Variants in PRODH2 observed in about 807,000 individuals in gnomAD.
PRODH2 encodes hydroxyproline dehydrogenase.
In PRODH2, 49 loss-of-function variants were observed where a neutral mutation model predicts 51.9. The observed-to-expected ratio is 0.94, with a 90% CI of 0.75 to 1.20. The LOEUF (loss-of-function observed/expected upper bound fraction) is 1.20, where lower values mean the gene tolerates loss of function less well. PRODH2 is among the 50% of genes most tolerant of loss of function. PRODH2 has a pLI of 0.00. For missense variants in PRODH2, 597 were observed against 610.9 expected, an observed-to-expected ratio of 0.98 and a Z score of 0.24; for synonymous variants, 249 against 260.7, an observed-to-expected ratio of 0.96 and a Z score of 0.43.
intron 7 of PRODH2, among the ~76,000 whole-genome samples, chr19:35,803,514 C>G (rs1288403565): frequency 6.6e-6 from 1 of 152,244 alleles, no homozygotes; most frequent in Non-Finnish European, 1.5e-5. Context: ...CTCAGCCTCC[C>G]AGAGTGCTGG....
At chr19:35,812,332 C>A in intron 2 of PRODH2, 28 bp downstream of exon 2, 1 of 1,609,416 alleles carries the variant, frequency 6.2e-7, no homozygotes, top group Non-Finnish European at 8.5e-7. Flanking sequence ...GTCCTCCCAG[C>A]CTCCCTGGGC....
Position 35,806,826 on chromosome 19 carries a change from G to C in PRODH2, c.683C>G (p.Ala228Gly), listed in dbSNP as rs762455354. Reference sequence around the variant, plus strand: ...CAGGAGCCGCACGTGCTGGGCCCGGGCATACTGATGGCGACAGAGACGACG... The same window carrying C: ...CAGGAGCCGCACGTGCTGGGCCCGGCCATACTGATGGCGACAGAGACGACG... ...LSRLHRVAQY[A>G]RAQHVRLLVD... Residue 228 changes from alanine to glycine, a missense_variant, in exon 6 of 10, where the codon GCC becomes GGC. Ala to Gly is a moderately conservative substitution (Grantham distance 60). Transcript: ENST00000653904. The C allele has an allele frequency of 6.2e-7, 1 of 1,602,244 alleles. No homozygotes were observed. The highest frequency in any genetic ancestry group is 8.5e-7 in the Non-Finnish European group (1 of 1,174,598).
chr19:35,802,084 T>C, intron 9 of PRODH2, 107 bp downstream of exon 9: 1 of 1,018,654 alleles, frequency 9.8e-7, no homozygotes, highest in South Asian at 1.3e-5. Context: ...GACAGATCTC[T>C]CTGGAAGGAT....
chr19:35,800,098 C>T lies in PRODH2; in HGVS notation c.1323G>A (p.Glu441=). 6.2e-7 allele frequency: 1 copy of T among 1,611,756 alleles called. No homozygotes were observed. The highest frequency in any genetic ancestry group is 1.1e-5 in the South Asian group (1 of 90,462). ...GCCGCCACAGTTCTTGGCTGAGCAG[C>T]TCCTGTTCCCTGCGGGCACCCTGAA... ...SVLQGARREQ[E]LLSQELWRRL... The change falls in exon 10 of 10, where the codon GAG becomes GAA. Residue 441 remains glutamate (E), a synonymous_variant. Transcript: ENST00000653904.
intron 4 of PRODH2, among the ~76,000 whole-genome samples, chr19:35,808,789 T>G (rs1325374673): frequency 3.1e-5 from 4 of 130,900 alleles, no homozygotes; most frequent in East Asian, 2.6e-4. Flanking sequence ...CCCTCCCTCC[T>G]TCCCTCCCTT....
At chr19:35,800,529 G>A (rs149069431) in intron 9 of PRODH2, among the ~76,000 whole-genome samples, 204 of 152,272 alleles carry the variant, frequency 1.3e-3, no homozygotes, top group African/African-American at 4.3e-3. Context: ...GATTACAGGC[G>A]TGAGCCACCA....
In PRODH2 at chr19:35,806,309, C is replaced by G. The variant is rs930787692; in HGVS notation, c.1001+121G>C. 2.6e-5 allele frequency: 34 copies of G among 1,302,942 alleles called. 1 individual carries two copies. In the African/African-American group the frequency reaches 4.7e-4, roughly 18 times the overall value. The allele number at this position is 1,302,942 out of a possible 1,614,324, so 80.7% of individuals were successfully genotyped here. A position where few individuals can be genotyped will look rare whatever the true frequency, so the allele number is the denominator to read the frequency against. The stretch of plus-strand genomic sequence containing the variant: ...GTGTTGCCCAGGCTGGTCTCCAACT[C>G]CTGCTCTCAAGTGAATCTCTAGCCT... On this transcript the variant is annotated intron_variant, in intron 7 of 9. Coordinates refer to ENST00000653904, the MANE Select transcript of PRODH2 (RefSeq NM_021232.2).
chr19:35,800,990 A>G lies in PRODH2; in HGVS notation c.1199-768T>C, dbSNP rs190755077. On this transcript the variant is annotated intron_variant, in intron 9 of 9. Transcript: ENST00000653904. ...CTGACCAACCTGGCCAACATGGTGA[A>G]ACCCCGTCTCTACTAAAAATACAAA... is the stretch of plus-strand genomic sequence containing the variant. Among the ~76,000 whole-genome samples, 604 of 152,204 alleles carry G rather than the reference A, an allele frequency of 4.0e-3. 9 individuals are homozygous for G. The highest frequency in any genetic ancestry group is 0.032 in the Admixed American group (492 of 15,300).
intron 4 of PRODH2, 113 bp from the exon 5 acceptor site, chr19:35,807,234 C>G: frequency 9.7e-7 from 1 of 1,032,966 alleles, no homozygotes; most frequent in Middle Eastern, 2.2e-4. Context: ...AGAATCAGGG[C>G]TCGAATCCAG....
At chr19:35,804,214 G>A (rs946837033) in intron 7 of PRODH2, among the ~76,000 whole-genome samples, 2 of 152,128 alleles carry the variant, frequency 1.3e-5, no homozygotes, top group African/African-American at 4.8e-5. Flanking sequence ...TAGAGACTGG[G>A]TCTCACTCTG....
intron 7 of PRODH2, among the ~76,000 whole-genome samples, chr19:35,805,261 A>G (rs1464496508): frequency 6.6e-6 from 1 of 152,108 alleles, no homozygotes; most frequent in Non-Finnish European, 1.5e-5. Flanking sequence ...TTAAAATAAT[A>G]GTGCAAATTA....
rs746510686 is a variant in PRODH2, at chr19:35,802,953, C to T, written c.1112+15G>A. 1 of 1,514,354 alleles carries T rather than the reference C, an allele frequency of 6.6e-7. No individual in the cohort carries two copies. Among genetic ancestry groups the T allele is most frequent in the Admixed American group, 2.0e-5 (1 of 49,612 alleles). 93.8% of individuals were successfully genotyped at this position (1,514,354 alleles called of 1,614,324 possible). A position where few individuals can be genotyped will look rare whatever the true frequency, so the allele number is the denominator to read the frequency against. On this transcript the variant is annotated intron_variant, in intron 8 of 9. Transcript: ENST00000653904. ...TTGTGGGCACCTATTTCCCGCCCAT[C>T]CCTCCACCTCATACCGCTTGGTTGC...
At chr19:35,805,647 C>T (rs1972499446) in intron 7 of PRODH2, among the ~76,000 whole-genome samples, 1 of 152,002 alleles carries the variant, frequency 6.6e-6, no homozygotes, top group Non-Finnish European at 1.5e-5. Flanking sequence ...TGGGCTCAAG[C>T]AATCTTCCTG....
rs1268599190 is a variant in PRODH2, at chr19:35,800,195, G to T, written c.1226C>A (p.Ser409Tyr). The change falls in exon 10 of 10, where the codon TCC becomes TAC. Residue 409 changes from serine to tyrosine, a missense_variant. By Grantham distance (144) the Ser-to-Tyr change is moderately radical (BLOSUM62 -2). Coordinates refer to ENST00000653904, the MANE Select transcript of PRODH2 (RefSeq NM_021232.2). ...LGQAGYVVYK[S>Y]IPYGSLEEVI... ...CTCCTCCAAGGAGCCATAGGGAATG[G>T]ACTTATACACTACATAGCCGGCCTG... 1 of 1,598,370 alleles carries T rather than the reference G, an allele frequency of 6.3e-7. No homozygotes were observed.
rs117772002 is a variant in PRODH2, at chr19:35,809,268, G to A, written c.598-2147C>T. Among the ~76,000 whole-genome samples the A allele has an allele frequency of 2.9e-3, 443 of 152,062 alleles. 12 individuals are homozygous for A. The East Asian group carries it at 0.052, about 18-fold the overall frequency. On this transcript the variant is annotated intron_variant, in intron 4 of 9. Transcript: ENST00000653904. ...GCCACCACACCCAGCTAATTTAAAG[G>A]AATTTTTTGTAGAGATGAGGGTTTA...
intron 7 of PRODH2, among the ~76,000 whole-genome samples, chr19:35,803,719 G>C (rs1170056494): frequency 6.6e-6 from 1 of 152,204 alleles, no homozygotes; most frequent in Non-Finnish European, 1.5e-5. Flanking sequence ...CTGCTGCATT[G>C]TCAACAGAAC....
At chr19:35,809,991 G>A (rs1338492467) in intron 4 of PRODH2, among the ~76,000 whole-genome samples, 1 of 90,534 alleles carries the variant, frequency 1.1e-5, no homozygotes, top group Non-Finnish European at 2.5e-5. Context: ...AAAAACGCTG[G>A]GCGTGGTGGC....
intron 4 of PRODH2, among the ~76,000 whole-genome samples, chr19:35,808,219 G>A (rs769639484): frequency 6.6e-6 from 1 of 152,202 alleles, no homozygotes; most frequent in Non-Finnish European, 1.5e-5. Flanking sequence ...AATAAGAACC[G>A]TTTCTAACTC....
intron 4 of PRODH2, 59 bp downstream of exon 4, chr19:35,811,903 T>G (rs945235946): frequency 1.3e-6 from 2 of 1,514,106 alleles, no homozygotes; most frequent in African/African-American, 2.7e-5. Flanking sequence ...TGGCGTGCGG[T>G]GTGGCCGCAT....
Sources: allele counts gnomAD v4.1 joint callset (sites outside exome capture counted in the v4.1 genomes callset), GRCh38; gene constraint gnomAD v4.1.1; transcripts MANE v1.5; gene names NCBI Gene and HGNC (gene_info 2026-07-23, HGNC 2026-07-21).